The following MGAT4C variants were observed in gnomAD, a reference collection of about 807,000 sequenced individuals.
The protein encoded by MGAT4C is MGAT4 family member C.
A neutral mutation model predicts 40.1 loss-of-function variants in MGAT4C; 19 were observed. The ratio of observed to expected loss-of-function variants is 0.47; its 90% CI spans 0.33 to 0.70. The LOEUF (loss-of-function observed/expected upper bound fraction) is 0.70, where lower values mean the gene tolerates loss of function less well. Ranked by LOEUF, MGAT4C falls within the 30% of genes least tolerant of loss-of-function variation. MGAT4C has a pLI of 0.02. For missense variants in MGAT4C, 491 were observed against 563.2 expected (o/e 0.87, Z 1.30); for synonymous variants, 181 against 187.1 (o/e 0.97, Z 0.27).
At chr12:86,259,374 C>G (rs762766226), upstream of MGAT4C, among the ~76,000 whole-genome samples, 1 of 151,766 alleles carries the variant, frequency 6.6e-6, no homozygotes, top group African/African-American at 2.4e-5. Context: ...TAATAAGACA[C>G]GTAACTGTTT....
intron 2 of MGAT4C, among the ~76,000 whole-genome samples, chr12:86,497,784 T>C (rs1958264552): frequency 2.0e-5 from 3 of 149,712 alleles, no homozygotes; most frequent in South Asian, 4.2e-4. Context: ...GTGATGCTTA[T>C]TTTGCTTATT....
intron 1 of MGAT4C, among the ~76,000 whole-genome samples, chr12:86,784,711 C>A (rs999259465): frequency 1.3e-5 from 2 of 150,812 alleles, no homozygotes; most frequent in Admixed American, 6.6e-5. Context: ...AAAGAGTAGC[C>A]CTGAAGGAAG....
intron 1 of MGAT4C, among the ~76,000 whole-genome samples, chr12:86,053,574 T>C (rs1486785000): frequency 6.6e-6 from 1 of 151,454 alleles, no homozygotes; most frequent in Non-Finnish European, 1.5e-5. Flanking sequence ...AAGCAAAAAA[T>C]AGACAAATGG....
At chr12:86,080,707 G>A (rs1187308845) in intron 1 of MGAT4C, among the ~76,000 whole-genome samples, 2 of 152,000 alleles carry the variant, frequency 1.3e-5, no homozygotes, top group Non-Finnish European at 2.9e-5. Flanking sequence ...TTGGAGTTAT[G>A]TATTCTACTC....
chr12:86,675,895 C>T (rs1413202958), intron 2 of MGAT4C, among the ~76,000 whole-genome samples: 1 of 151,680 alleles, frequency 6.6e-6, no homozygotes, highest in East Asian at 1.9e-4. Flanking sequence ...ATATAGTCAC[C>T]CTAACCAGTC....
intron 1 of MGAT4C, among the ~76,000 whole-genome samples, chr12:86,787,036 C>T (rs964997749): frequency 6.6e-6 from 1 of 152,018 alleles, no homozygotes; most frequent in Non-Finnish European, 1.5e-5. Flanking sequence ...TTATTGGGCA[C>T]AAGTAAAGTT....
chr12:86,360,488 C>T (rs1258550544), intron 3 of MGAT4C, among the ~76,000 whole-genome samples: 1 of 152,110 alleles, frequency 6.6e-6, no homozygotes, highest in Non-Finnish European at 1.5e-5. Flanking sequence ...CTGGCCAGGA[C>T]AGTCAGGCAG....
At chr12:86,098,592 TAC>T (rs1008130580) in intron 1 of MGAT4C, among the ~76,000 whole-genome samples, 1 of 151,684 alleles carries the variant, frequency 6.6e-6, no homozygotes, top group African/African-American at 2.4e-5. Context: ...CTATTTCTGC[TAC>T]AGTTTTAGGT....
chr12:86,376,895 G>A, intron 3 of MGAT4C, among the ~76,000 whole-genome samples: 1 of 151,586 alleles, frequency 6.6e-6, no homozygotes, highest in Non-Finnish European at 1.5e-5. Flanking sequence ...GAGCTGTTGA[G>A]ATTGAGATTG....
chr12:86,436,434 G>A (rs979813677), intron 2 of MGAT4C, among the ~76,000 whole-genome samples: 2 of 151,648 alleles, frequency 1.3e-5, no homozygotes, highest in African/African-American at 4.8e-5. Context: ...AGTGTGGGGG[G>A]AGAAGACCTA....
chr12:86,220,897 TATG>T (rs1226932763), intron 1 of MGAT4C, among the ~76,000 whole-genome samples: 3 of 152,188 alleles, frequency 2.0e-5, no homozygotes, highest in Non-Finnish European at 2.9e-5. Context: ...TAAATGAAGT[TATG>T]ATTAGAAATC....
chr12:86,702,503 T>C (rs75968771), intron 2 of MGAT4C, among the ~76,000 whole-genome samples: 4,756 of 152,284 alleles, frequency 0.031, 120 homozygotes, highest in African/African-American at 0.074. Context: ...CGATTTTAAG[T>C]TTAAGTCATT....
intron 3 of MGAT4C, among the ~76,000 whole-genome samples, chr12:86,387,370 T>C (rs1956072648): frequency 2.0e-5 from 3 of 152,116 alleles, no homozygotes; most frequent in African/African-American, 2.4e-5. Flanking sequence ...TATACATATA[T>C]GTTTATATGT....
chr12:86,282,145 T>C (rs1953234303), intron 4 of MGAT4C, among the ~76,000 whole-genome samples: 1 of 152,140 alleles, frequency 6.6e-6, no homozygotes, highest in Non-Finnish European at 1.5e-5. Flanking sequence ...AAAAAGATGT[T>C]TTGCCATGAA....
At chr12:86,094,038 GGATATTGCCA>G (rs1483773768) in intron 1 of MGAT4C, among the ~76,000 whole-genome samples, 1 of 152,100 alleles carries the variant, frequency 6.6e-6, no homozygotes, top group Admixed American at 6.6e-5. Flanking sequence ...AAGGTGAATA[GGATATTGCCA>G]GATTTAGAGA....
chr12:86,670,171 C>T (rs974272599), intron 2 of MGAT4C, among the ~76,000 whole-genome samples: 1 of 151,964 alleles, frequency 6.6e-6, no homozygotes, highest in African/African-American at 2.4e-5. Context: ...GTGACATCAC[C>T]AAAGGATGGC....
At chr12:86,483,566 A>T (rs369551743) in intron 2 of MGAT4C, among the ~76,000 whole-genome samples, 49 of 152,130 alleles carry the variant, frequency 3.2e-4, no homozygotes, top group African/African-American at 1.2e-3. Context: ...TGTTAGGTGC[A>T]TAAAATGAAA....
intron 2 of MGAT4C, among the ~76,000 whole-genome samples, chr12:86,463,364 A>G (rs1435227170): frequency 6.6e-6 from 1 of 152,090 alleles, no homozygotes; most frequent in Non-Finnish European, 1.5e-5. Flanking sequence ...AGACTATTTT[A>G]GTCATATCTT....
At chr12:86,683,967 C>T (rs1044585033) in intron 2 of MGAT4C, among the ~76,000 whole-genome samples, 1 of 152,162 alleles carries the variant, frequency 6.6e-6, no homozygotes, top group African/African-American at 2.4e-5. Context: ...AACGATTCCC[C>T]TTTCTTTCTC....
Sources: allele counts gnomAD v4.1 joint callset (sites outside exome capture counted in the v4.1 genomes callset), GRCh38; gene constraint gnomAD v4.1.1; transcripts MANE v1.5; gene names NCBI Gene and HGNC (gene_info 2026-07-23, HGNC 2026-07-21).